S100A13: variants seen among roughly 807,000 people sequenced by gnomAD.
S100A13 encodes the protein protein S100-A13.
A neutral mutation model predicts 8.2 loss-of-function variants in S100A13; 6 were observed. The observed-to-expected ratio is 0.73, with a 90% confidence interval of 0.40 to 1.44. S100A13 has a LOEUF of 1.44. Among genes scored for constraint, S100A13 ranks in the 40% most tolerant of loss-of-function variants. The pLI is 0.02. For missense variants in S100A13, 114 were observed against 113.6 expected, an observed-to-expected ratio of 1.00 and a Z score of -0.02; for synonymous variants, 39 against 45.9, an observed-to-expected ratio of 0.85 and a Z score of 0.61.
chr1:153,629,777 A>G (rs1334431701), upstream of S100A13: 1 of 152,334 alleles, frequency 6.6e-6, no homozygotes, highest in Non-Finnish European at 1.5e-5. Flanking sequence ...AGGCTCAGAC[A>G]TTCCTCTCTC....
At chr1:153,631,495 A>T, upstream of S100A13, 1 of 1,609,420 alleles carries the variant, frequency 6.2e-7, no homozygotes, top group Admixed American at 1.7e-5. Context: ...TGGTGTCATT[A>T]TTATTCATTC....
At chr1:153,628,696 G>A, upstream of S100A13, 1 of 913,994 alleles carries the variant, frequency 1.1e-6, no homozygotes, top group Non-Finnish European at 1.6e-6. Context: ...TGAACTGAAG[G>A]TCGGAGAGAG....
chr1:153,632,091 G>C, upstream of S100A13: 2 of 501,396 alleles, frequency 4.0e-6, no homozygotes, highest in Non-Finnish European at 7.1e-6. Context: ...CGTGAAGACT[G>C]TTCACTCTCA....
At chr1:153,627,928 T>G (rs1481642802), upstream of S100A13, 12 of 1,160,692 alleles carry the variant, frequency 1.0e-5, no homozygotes, top group African/African-American at 1.9e-4. Context: ...CCAAGATCCC[T>G]CAGAGAACCC....
chr1:153,626,534 C>T lies in S100A13; in HGVS notation c.-61-1G>A. On this transcript the variant is annotated splice_acceptor_variant, in intron 1 of 2. Transcript: ENST00000476133. LOFTEE classifies it low-confidence loss of function (5UTR_SPLICE). Reference sequence around the variant, plus strand: ...CTAGCTGACCTTTGTCAGGGCTGACCTGTGGAAGAGAGAAGGAGCAGAGAG... The same window carrying T: ...CTAGCTGACCTTTGTCAGGGCTGACTTGTGGAAGAGAGAAGGAGCAGAGAG... 7 of 1,563,578 alleles carry T rather than the reference C, an allele frequency of 4.5e-6. No individual in the cohort carries two copies. Among genetic ancestry groups the T allele is most frequent in the Non-Finnish European group, 5.3e-6 (6 of 1,139,630 alleles).
upstream of S100A13, chr1:153,628,066 A>G (rs759204682): frequency 6.5e-7 from 1 of 1,550,374 alleles, no homozygotes; most frequent in South Asian, 1.2e-5. Context: ...CCTCTCAGTG[A>G]GGCCCCATGG....
upstream of S100A13, chr1:153,631,717 C>T (rs1052731312): frequency 4.3e-6 from 7 of 1,614,192 alleles, no homozygotes; most frequent in South Asian, 7.7e-5. Context: ...GATGTGGATG[C>T]TGTGGACAAG....
chr1:153,621,589 G>A (rs1309472940), intron 2 of S100A13, among the ~76,000 whole-genome samples: 25 of 150,620 alleles, frequency 1.7e-4, no homozygotes, highest in African/African-American at 5.9e-4. Context: ...CCTGGCCAAC[G>A]TGATGAAACC....
At chr1:153,620,426 C>T (rs942902040) in intron 2 of S100A13, among the ~76,000 whole-genome samples, 1 of 150,404 alleles carries the variant, frequency 6.6e-6, no homozygotes, top group African/African-American at 2.4e-5. Flanking sequence ...AAGCCACTGC[C>T]CTCCAGCCTG....
upstream of S100A13, chr1:153,627,913 A>T: frequency 1.0e-6 from 1 of 967,434 alleles, no homozygotes. Flanking sequence ...AAAGGATGCT[A>T]CAGACCAAGA....
At chr1:153,633,715 G>A (rs1196482960), upstream of S100A13, among the ~76,000 whole-genome samples, 1 of 152,216 alleles carries the variant, frequency 6.6e-6, no homozygotes, top group Non-Finnish European at 1.5e-5. Flanking sequence ...AAGAAGACGA[G>A]GCAAGTCCGC....
chr1:153,624,581 C>A (rs1400605536), intron 2 of S100A13, among the ~76,000 whole-genome samples: 1 of 148,558 alleles, frequency 6.7e-6, no homozygotes, highest in East Asian at 1.9e-4. Flanking sequence ...CACTGCTTGA[C>A]AAGGATATAA....
chr1:153,627,193 C>T (rs921576484), intron 1 of S100A13: 2 of 152,462 alleles, frequency 1.3e-5, no homozygotes, highest in African/African-American at 2.4e-5. Context: ...ACAGATCCTC[C>T]CCGCTCCTGT....
At chr1:153,626,718 TG>T in intron 1 of S100A13, 185 bp from the exon 2 acceptor site, 2 of 454,698 alleles carry the variant, frequency 4.4e-6, no homozygotes, top group East Asian at 3.4e-5. Flanking sequence ...TCAGTTTTGG[TG>T]GGGGCAGGAG....
intron 2 of S100A13, among the ~76,000 whole-genome samples, chr1:153,623,400 T>C (rs899419887): frequency 3.3e-5 from 5 of 151,498 alleles, no homozygotes; most frequent in Non-Finnish European, 5.9e-5. Context: ...TTTTTTTTTT[T>C]CCTTTGAGAC....
upstream of S100A13, chr1:153,631,807 T>G (rs1304158380): frequency 6.2e-7 from 1 of 1,614,156 alleles, no homozygotes; most frequent in Admixed American, 1.7e-5. Context: ...GCTCTCACAG[T>G]GGCCTGTAAC....
intron 2 of S100A13, among the ~76,000 whole-genome samples, chr1:153,621,949 C>A (rs1251870232): frequency 6.6e-6 from 1 of 152,040 alleles, no homozygotes; most frequent in Non-Finnish European, 1.5e-5. Flanking sequence ...ATTTTCACAT[C>A]ATAGATTAGC....
upstream of S100A13, chr1:153,630,291 G>C (rs1667930124): frequency 1.8e-6 from 1 of 566,648 alleles, no homozygotes; most frequent in Non-Finnish European, 3.0e-6. Flanking sequence ...CCCTCTGGCT[G>C]GGGTACAGAC....
intron 2 of S100A13, among the ~76,000 whole-genome samples, chr1:153,621,665 A>G (rs1667259482): frequency 1.3e-5 from 2 of 150,264 alleles, no homozygotes; most frequent in African/African-American, 4.9e-5. Context: ...TCTTTGCAAT[A>G]AATCTTGCTG....
Sources: gnomAD v4.1 joint callset for allele counts (sites outside exome capture counted in the v4.1 genomes callset) on GRCh38, gnomAD v4.1.1 for gene constraint, MANE v1.5 for transcripts, NCBI Gene and HGNC (gene_info 2026-07-23, HGNC 2026-07-21) for gene names.